Variants in UHRF2 observed in about 807,000 individuals in gnomAD.
UHRF2 encodes the protein ubiquitin like with PHD and ring finger domains 2, also known as E3 ubiquitin-protein ligase UHRF2.
Under a neutral mutation model 96.8 loss-of-function variants are expected in UHRF2, and 23 were observed. The observed-to-expected ratio is 0.24, with a 90% confidence interval of 0.17 to 0.34. UHRF2 has a LOEUF of 0.34. UHRF2 is among the 10% of genes least tolerant of loss of function. UHRF2 has a pLI of 1.00. For synonymous variants in UHRF2, 385 were observed against 332.6 expected, an observed-to-expected ratio of 1.16 and a Z score of -1.72; for missense variants, 685 against 981.5, an observed-to-expected ratio of 0.70 and a Z score of 4.04.
intron 14 of UHRF2, among the ~76,000 whole-genome samples, chr9:6,503,102 C>A (rs933952633): frequency 3.3e-5 from 5 of 152,164 alleles, no homozygotes; most frequent in Non-Finnish European, 5.9e-5. Flanking sequence ...TCAAGTGATT[C>A]TCCTGCCTCA....
intron 8 of UHRF2, among the ~76,000 whole-genome samples, chr9:6,486,358 G>A (rs1171802648): frequency 6.6e-6 from 1 of 152,158 alleles, no homozygotes; most frequent in Non-Finnish European, 1.5e-5. Flanking sequence ...AAGGGTTTGA[G>A]GAATAAGGGA....
chr9:6,479,963 A>T (rs1172352780), intron 6 of UHRF2, among the ~76,000 whole-genome samples: 3 of 152,208 alleles, frequency 2.0e-5, no homozygotes, highest in South Asian at 2.1e-4. Flanking sequence ...GAATGAGCTT[A>T]AAAAGGCCTG....
chr9:6,500,456 C>G (rs1166321498), intron 13 of UHRF2, 96 bp from the exon 14 acceptor site: 14 of 1,062,698 alleles, frequency 1.3e-5, no homozygotes, highest in Non-Finnish European at 1.9e-5. Flanking sequence ...GGTTATCTTT[C>G]TGCTAAACAT....
At chr9:6,487,469 C>G (rs909479978) in intron 9 of UHRF2, among the ~76,000 whole-genome samples, 2 of 152,140 alleles carry the variant, frequency 1.3e-5, no homozygotes, top group South Asian at 4.1e-4. Flanking sequence ...CAGATTCAAG[C>G]GATTCTCCTG....
intron 2 of UHRF2, among the ~76,000 whole-genome samples, chr9:6,432,211 G>T (rs1820596794): frequency 6.6e-6 from 1 of 152,028 alleles, no homozygotes; most frequent in African/African-American, 2.4e-5. Flanking sequence ...GTTCATTCTT[G>T]TGTAATATTA....
rs750903366 is a variant in UHRF2, at chr9:6,477,828, G to T, written c.1160+20G>T. 1.9e-6 allele frequency: 3 copies of T among 1,547,778 alleles called. No individual in the cohort carries two copies. The highest frequency in any genetic ancestry group is 1.9e-5 in the Admixed American group (1 of 53,428). On this transcript the variant is annotated intron_variant, in intron 6 of 15. Coordinates refer to ENST00000276893, the MANE Select transcript of UHRF2 (RefSeq NM_152896.3). ...ATACTGGTATGATTATCAGGTTTTT[G>T]TTGTTGTTGTTCTTGCTGTGTAAAC...
chr9:6,499,813 C>CT (rs1563809699), intron 12 of UHRF2, 22 bp from the exon 13 acceptor site: 1 of 1,548,988 alleles, frequency 6.5e-7, no homozygotes, highest in Admixed American at 1.8e-5. Context: ...GCATTGTACT[C>CT]TCCCTCCTCC....
intron 2 of UHRF2, 111 bp downstream of exon 2, chr9:6,421,253 G>C: frequency 3.7e-6 from 3 of 812,498 alleles, no homozygotes; most frequent in Non-Finnish European, 5.8e-6. Context: ...TAAAGATTGG[G>C]ATGTTAATAT....
intron 8 of UHRF2, among the ~76,000 whole-genome samples, chr9:6,483,453 A>G (rs371390558): frequency 3.9e-5 from 6 of 152,054 alleles, no homozygotes; most frequent in African/African-American, 1.4e-4. Context: ...TGTAAATGCT[A>G]TGTAAATAGT....
At chr9:6,456,078 T>C (rs1177525024) in intron 3 of UHRF2, among the ~76,000 whole-genome samples, 1 of 152,210 alleles carries the variant, frequency 6.6e-6, no homozygotes, top group Admixed American at 6.5e-5. Flanking sequence ...TTAGGAAATA[T>C]ACGTACAGCC....
At chr9:6,428,737 C>CA (rs1563747965) in intron 2 of UHRF2, among the ~76,000 whole-genome samples, 1 of 151,928 alleles carries the variant, frequency 6.6e-6, no homozygotes, top group African/African-American at 2.4e-5. Context: ...TTCGTAGAGA[C>CA]AGAGTTTCAC....
intron 3 of UHRF2, among the ~76,000 whole-genome samples, chr9:6,457,676 A>C (rs1319276016): frequency 6.6e-6 from 1 of 152,180 alleles, no homozygotes; most frequent in Non-Finnish European, 1.5e-5. Context: ...TTTGAGATAC[A>C]TTCCATCAAA....
chr9:6,478,356 A>T (rs1362012829), intron 6 of UHRF2, among the ~76,000 whole-genome samples: 2 of 152,174 alleles, frequency 1.3e-5, no homozygotes, highest in East Asian at 3.8e-4. Context: ...GTAATCCTTT[A>T]TGGATGGTCC....
At chr9:6,485,367 G>T (rs912829192) in intron 8 of UHRF2, among the ~76,000 whole-genome samples, 1 of 151,634 alleles carries the variant, frequency 6.6e-6, no homozygotes, top group East Asian at 1.9e-4. Flanking sequence ...TCTAAACTCT[G>T]AAAGCCTCCT....
intron 15 of UHRF2, 58 bp downstream of exon 15, chr9:6,504,749 T>G: frequency 7.3e-7 from 1 of 1,362,440 alleles, no homozygotes; most frequent in Non-Finnish European, 1.0e-6. Context: ...CTAATTTCTA[T>G]ACCTGTTTTT....
intron 3 of UHRF2, among the ~76,000 whole-genome samples, chr9:6,441,263 A>G (rs1413289307): frequency 2.6e-5 from 4 of 151,828 alleles, no homozygotes; most frequent in Non-Finnish European, 5.9e-5. Flanking sequence ...AGTCCCAGCT[A>G]CTCGGGAGGC....
chr9:6,488,278 A>T (rs1230466768), intron 9 of UHRF2, among the ~76,000 whole-genome samples: 5 of 98,870 alleles, frequency 5.1e-5, no homozygotes, highest in African/African-American at 3.0e-4. Context: ...AAAAAAAAAA[A>T]AAAAAAAAAA....
At chr9:6,492,281 A>G in intron 9 of UHRF2, 1 of 1,162,096 alleles carries the variant, frequency 8.6e-7, no homozygotes, top group Non-Finnish European at 1.1e-6. Flanking sequence ...TCTTTATGGC[A>G]CTCCCATAAT....
intron 2 of UHRF2, chr9:6,422,584 T>TAAAAAAAAAAA: frequency 1.8e-6 from 1 of 549,116 alleles, no homozygotes; most frequent in East Asian, 3.2e-5. Flanking sequence ...TCATGAACAT[T>TAAAAAAAAAAA]AAAAGACTTG....
Sources: gnomAD v4.1 joint callset for allele counts (sites outside exome capture counted in the v4.1 genomes callset) on GRCh38, gnomAD v4.1.1 for gene constraint, MANE v1.5 for transcripts, NCBI Gene and HGNC (gene_info 2026-07-23, HGNC 2026-07-21) for gene names.